PALS1: variants seen among roughly 807,000 people sequenced by gnomAD.
The protein encoded by PALS1 is protein PALS1.
PALS1 carries 31 observed loss-of-function variants against 78.9 expected under a neutral mutation model. The ratio of observed to expected loss-of-function variants is 0.39; its 90% CI spans 0.30 to 0.53. The LOEUF is 0.53. Among genes scored for constraint, PALS1 ranks in the 20% least tolerant of loss-of-function variants. The probability of loss-of-function intolerance (pLI) is 0.67; values close to 1 mark genes in which losing one functional copy is unlikely to be tolerated. For missense variants in PALS1, 704 were observed against 826.5 expected (o/e 0.85, Z 1.82); for synonymous variants, 276 against 270.9 (o/e 1.02, Z -0.18).
At chr14:67,286,631 G>A (rs1299175331) in intron 3 of PALS1, among the ~76,000 whole-genome samples, 2 of 151,776 alleles carry the variant, frequency 1.3e-5, no homozygotes, top group Non-Finnish European at 2.9e-5. Context: ...CGAGGTGGGT[G>A]GATCGCTTGA....
chr14:67,261,593 CTT>C (rs1402841684), intron 1 of PALS1, among the ~76,000 whole-genome samples: 1 of 152,080 alleles, frequency 6.6e-6, no homozygotes, highest in African/African-American at 2.4e-5. Context: ...ATGTGGCTCA[CTT>C]TGCCAGCACA....
At chr14:67,274,379 C>A (rs1201604010) in intron 2 of PALS1, among the ~76,000 whole-genome samples, 4 of 152,072 alleles carry the variant, frequency 2.6e-5, no homozygotes, top group Non-Finnish European at 4.4e-5. Context: ...TTAAATAGGG[C>A]ATCCTTTCCC....
chr14:67,270,833 T>C (rs1205419304), intron 2 of PALS1: 1 of 147,016 alleles, frequency 6.8e-6, no homozygotes, highest in African/African-American at 2.6e-5. Flanking sequence ...GTTTTTGGAG[T>C]GTTAAATGGT....
chr14:67,242,627 ATTTT>A (rs532923506), intron 1 of PALS1, among the ~76,000 whole-genome samples: 7 of 146,348 alleles, frequency 4.8e-5, no homozygotes, highest in South Asian at 2.2e-4. Context: ...AAGAACTACG[ATTTT>A]TTTTTTTTAC....
intron 11 of PALS1, among the ~76,000 whole-genome samples, chr14:67,319,013 G>C (rs1199201954): frequency 6.6e-6 from 1 of 151,386 alleles, no homozygotes; most frequent in African/African-American, 2.4e-5. Context: ...AGCCGAGATC[G>C]CGCCACTGCA....
At position 67,302,115 on chromosome 14, in the gene PALS1, G is replaced by T. The variant is rs772998328; in HGVS notation, c.798G>T (p.Pro266=). The T allele has an allele frequency of 1.3e-6, 2 of 1,599,668 alleles. No homozygotes were observed. Among genetic ancestry groups the T allele is most frequent in the South Asian group, 2.3e-5 (2 of 88,592 alleles). ...IVRIEKARDI[P]LGATVRNEMD... ...GTATAGAAAAGGCTCGTGATATTCC[G>T]TTGGTAAGTGTCCCACATACTGTTT... The change falls in exon 6 of 15, where the codon CCG becomes CCT. Residue 266 remains proline (P), a synonymous_variant. Transcript: ENST00000261681.
Position 67,333,587 on chromosome 14 carries a change from T to A in PALS1, c.*631T>A, listed in dbSNP as rs1248792389. The A allele has an allele frequency of 3.3e-5, 5 of 152,644 alleles. No individual in the cohort carries two copies. Among genetic ancestry groups the A allele is most frequent in the Non-Finnish European group, 7.3e-5 (5 of 68,030 alleles). The allele number at this position is 152,644 out of a possible 1,614,324, so 9.5% of individuals were successfully genotyped here. A position where few individuals can be genotyped will look rare whatever the true frequency, so the allele number is the denominator to read the frequency against. On this transcript the variant is annotated 3_prime_UTR_variant, in exon 15 of 15. Transcript: ENST00000261681. ...AAAAACATTCCATTAGAAGCACCAG[T>A]TTTTTTGCTCAGACTTTGTGGATCA... is the stretch of plus-strand genomic sequence containing the variant.
At chr14:67,269,025 TCCCA>T (rs1364480090) in intron 1 of PALS1, among the ~76,000 whole-genome samples, 2 of 152,140 alleles carry the variant, frequency 1.3e-5, no homozygotes, top group Admixed American at 1.3e-4. Flanking sequence ...GCCATAATTC[TCCCA>T]CCCATTCACC....
At chr14:67,287,383 A>G (rs2084706361) in intron 3 of PALS1, among the ~76,000 whole-genome samples, 1 of 152,154 alleles carries the variant, frequency 6.6e-6, no homozygotes. Flanking sequence ...TATATTAAGT[A>G]TGTTCTAGTT....
chr14:67,332,875 T>TA lies in PALS1; in HGVS notation c.1950dup (p.Ala651SerfsTer7). ...CGGCAATTGTGAATTCCGATCTTGA[T>TA]AAAGCCTATCAGGAATTGCTTAGGT... On this transcript the variant is annotated frameshift_variant, in exon 15 of 15. Coordinates refer to ENST00000261681, the MANE Select transcript of PALS1 (RefSeq NM_022474.4). LOFTEE classifies it high-confidence loss of function. 1 of 1,614,142 alleles carries TA rather than the reference T, an allele frequency of 6.2e-7. No homozygotes were observed. The highest frequency in any genetic ancestry group is 8.5e-7 in the Non-Finnish European group (1 of 1,179,970).
Position 67,334,037 on chromosome 14 carries a change from G to A in PALS1, c.*1081G>A, listed in dbSNP as rs1457835042. On this transcript the variant is annotated 3_prime_UTR_variant, in exon 15 of 15. Transcript: ENST00000261681. ...CATTGAAAACACTTGTTTAGCATTAGAATAAAATTATATATGTCCTTGGGA... is the reference window on the plus strand; with the variant it reads ...CATTGAAAACACTTGTTTAGCATTAAAATAAAATTATATATGTCCTTGGGA... The A allele has an allele frequency of 6.6e-6, 1 of 152,482 alleles. No individual in the cohort carries two copies. Among genetic ancestry groups the A allele is most frequent in the Non-Finnish European group, 1.5e-5 (1 of 68,002 alleles). 9.4% of individuals were successfully genotyped at this position (152,482 alleles called of 1,614,324 possible). A position where few individuals can be genotyped will look rare whatever the true frequency, so the allele number is the denominator to read the frequency against.
At chr14:67,271,149 G>T (rs931776457) in intron 2 of PALS1, 2 of 152,188 alleles carry the variant, frequency 1.3e-5, no homozygotes, top group Admixed American at 6.5e-5. Flanking sequence ...CACTTAGCAG[G>T]TATCACGGCT....
intron 9 of PALS1, among the ~76,000 whole-genome samples, chr14:67,315,238 T>C (rs1224300482): frequency 1.3e-5 from 2 of 152,018 alleles, no homozygotes; most frequent in African/African-American, 4.8e-5. Context: ...ACTTTGTTCT[T>C]GATTTTTAAA....
intron 13 of PALS1, among the ~76,000 whole-genome samples, chr14:67,322,593 GT>G (rs2085278798): frequency 6.6e-6 from 1 of 152,060 alleles, no homozygotes; most frequent in African/African-American, 2.4e-5. Flanking sequence ...TTTTGTTTGT[GT>G]TTTAGTGGAC....
At position 67,292,731 on chromosome 14, in the gene PALS1, A is replaced by G; in HGVS notation, c.576+12A>G. On this transcript the variant is annotated intron_variant, in intron 4 of 14. Coordinates refer to ENST00000261681, the MANE Select transcript of PALS1 (RefSeq NM_022474.4). ...ATCTTGCTCAAGAGGTATGTATTCT[A>G]AACATCTTGTTGATGTCTACAAGGT... is the stretch of plus-strand genomic sequence containing the variant. 1 of 1,605,942 alleles carries G rather than the reference A, an allele frequency of 6.2e-7. No homozygotes were observed. The highest frequency in any genetic ancestry group is 1.1e-5 in the South Asian group (1 of 90,648).
At chr14:67,256,093 T>C (rs2084141201) in intron 1 of PALS1, among the ~76,000 whole-genome samples, 1 of 144,718 alleles carries the variant, frequency 6.9e-6, no homozygotes, top group Non-Finnish European at 1.5e-5. Flanking sequence ...AAGCAACACA[T>C]ACTTTTTTTG....
chr14:67,311,131 C>T (rs981239528), intron 8 of PALS1, among the ~76,000 whole-genome samples: 4 of 151,848 alleles, frequency 2.6e-5, no homozygotes, highest in Middle Eastern at 3.2e-3. Flanking sequence ...GGCCAACTGG[C>T]GAAATCCTGT....
At chr14:67,311,462 G>A (rs951197669) in intron 8 of PALS1, among the ~76,000 whole-genome samples, 2 of 152,110 alleles carry the variant, frequency 1.3e-5, no homozygotes, top group Non-Finnish European at 1.5e-5. Context: ...AAATATGTGG[G>A]CAGAAATGCT....
chr14:67,325,350 C>T (rs1165474164), intron 14 of PALS1, among the ~76,000 whole-genome samples: 1 of 152,178 alleles, frequency 6.6e-6, no homozygotes, highest in African/African-American at 2.4e-5. Flanking sequence ...TATCATCCTA[C>T]ATGATGAGCA....
Sources: allele counts gnomAD v4.1 joint callset (sites outside exome capture counted in the v4.1 genomes callset), GRCh38; gene constraint gnomAD v4.1.1; transcripts MANE v1.5; gene names NCBI Gene and HGNC (gene_info 2026-07-23, HGNC 2026-07-21).